FBXO4: variants seen among roughly 807,000 people sequenced by gnomAD.
The protein encoded by FBXO4 is F-box protein 4, also known as F-box only protein 4.
A neutral mutation model predicts 43.7 loss-of-function variants in FBXO4; 36 were observed. The observed-to-expected ratio is 0.82, with a 90% CI of 0.63 to 1.09. FBXO4 has a LOEUF of 1.09. Ranked by LOEUF, FBXO4 falls within the 50% of genes least tolerant of loss-of-function variation. The pLI, the probability that FBXO4 is intolerant of heterozygous loss-of-function variation, is 0.00. For missense variants in FBXO4, 435 were observed against 474.1 expected (o/e 0.92, Z 0.77); for synonymous variants, 180 against 165.6 (o/e 1.09, Z -0.67).
chr5:42,026,841 T>A, the FBXO4 span, among the ~76,000 whole-genome samples: 1 of 151,974 alleles, frequency 6.6e-6, no homozygotes, highest in African/African-American at 2.4e-5. Flanking sequence ...TGATATGATA[T>A]ATTACACTGA....
At chr5:41,999,188 T>C in the FBXO4 span, among the ~76,000 whole-genome samples, 2 of 151,656 alleles carry the variant, frequency 1.3e-5, no homozygotes, top group Non-Finnish European at 2.9e-5. Flanking sequence ...AAACAGTTAA[T>C]ACCAAGGACT....
At chr5:42,019,659 C>T in the FBXO4 span, among the ~76,000 whole-genome samples, 6 of 150,854 alleles carry the variant, frequency 4.0e-5, 1 homozygote, top group Non-Finnish European at 4.4e-5. Flanking sequence ...CACCATGGCA[C>T]TCCAGCCTGG....
intron 3 of FBXO4, among the ~76,000 whole-genome samples, chr5:41,931,863 G>C (rs887449330): frequency 2.6e-5 from 4 of 152,196 alleles, no homozygotes; most frequent in Non-Finnish European, 5.9e-5. Context: ...AGGAAAGAGT[G>C]CTACAGCTGA....
At chr5:41,947,284 T>G in the FBXO4 span, among the ~76,000 whole-genome samples, 20 of 152,200 alleles carry the variant, frequency 1.3e-4, no homozygotes, top group African/African-American at 3.9e-4. Flanking sequence ...ATCACCTACC[T>G]GTCAAAGATG....
chr5:41,939,485 G>C lies in FBXO4; in HGVS notation c.943G>C (p.Asp315His), dbSNP rs1180433908. The C allele has an allele frequency of 6.2e-7, 1 of 1,613,648 alleles. No homozygotes were observed. The highest frequency in any genetic ancestry group is 1.7e-5 in the Admixed American group (1 of 59,998). Residue 315 changes from aspartate to histidine, a missense_variant, in exon 6 of 7, where the codon GAT becomes CAT. Asp to His is a moderately conservative substitution (Grantham distance 81). Transcript: ENST00000281623. ...DEFSHIMAMT[D>H]PAFGSSGRPL... The stretch of plus-strand genomic sequence containing the variant: ...ATTTTCTCATATTATGGCAATGACA[G>C]ATCCAGCCTTTGGGTCTTCGGGAAG...
the FBXO4 span, chr5:41,963,872 G>T: frequency 6.6e-6 from 1 of 152,188 alleles, no homozygotes; most frequent in African/African-American, 2.4e-5. Context: ...TTTTTTTAAA[G>T]GCTAGTCAAC....
chr5:41,984,123 A>G, the FBXO4 span, among the ~76,000 whole-genome samples: 1 of 152,106 alleles, frequency 6.6e-6, no homozygotes, highest in Non-Finnish European at 1.5e-5. Context: ...AGATAATATG[A>G]GGTTACTATT....
chr5:42,010,613 C>T, the FBXO4 span, among the ~76,000 whole-genome samples: 1 of 152,062 alleles, frequency 6.6e-6, no homozygotes, highest in Non-Finnish European at 1.5e-5. Context: ...GACACTTGCA[C>T]TGCTTCTACC....
At chr5:42,006,053 C>G in the FBXO4 span, among the ~76,000 whole-genome samples, 2 of 151,952 alleles carry the variant, frequency 1.3e-5, no homozygotes, top group East Asian at 3.9e-4. Flanking sequence ...ATTTATGCAC[C>G]TCAAAAATAT....
chr5:41,999,509 A>ATATATATATATGTG, the FBXO4 span, among the ~76,000 whole-genome samples: 218 of 66,074 alleles, frequency 3.3e-3, 4 homozygotes, highest in African/African-American at 0.022. Flanking sequence ...ATATATGTGT[A>ATATATATATATGTG]TATATATATA....
At chr5:41,954,531 T>C in the FBXO4 span, among the ~76,000 whole-genome samples, 17 of 152,306 alleles carry the variant, frequency 1.1e-4, no homozygotes, top group African/African-American at 3.6e-4. Flanking sequence ...TAATGCATCA[T>C]CTACAGCTGG....
chr5:42,039,705 C>A, the FBXO4 span, among the ~76,000 whole-genome samples: 2 of 152,068 alleles, frequency 1.3e-5, no homozygotes, highest in African/African-American at 4.8e-5. Flanking sequence ...TGGGATAGTA[C>A]TTCCGTGATA....
the FBXO4 span, among the ~76,000 whole-genome samples, chr5:41,996,842 A>C: frequency 6.6e-6 from 1 of 152,178 alleles, no homozygotes; most frequent in Admixed American, 6.5e-5. Flanking sequence ...AAGGCCCCTG[A>C]ATTTTAGTCA....
At chr5:41,934,512 GC>G (rs1751797861) in intron 5 of FBXO4, 1 of 1,392,162 alleles carries the variant, frequency 7.2e-7, no homozygotes, top group Admixed American at 2.8e-5. Flanking sequence ...ATGTTAACAA[GC>G]TGATTCCTAC....
intron 5 of FBXO4, among the ~76,000 whole-genome samples, chr5:41,936,506 C>G (rs1275665869): frequency 6.6e-6 from 1 of 152,122 alleles, no homozygotes; most frequent in Non-Finnish European, 1.5e-5. Context: ...GTACTCCAGC[C>G]TGGGTGACAG....
chr5:41,962,223 T>C, the FBXO4 span, among the ~76,000 whole-genome samples: 1 of 152,248 alleles, frequency 6.6e-6, no homozygotes, highest in Non-Finnish European at 1.5e-5. Flanking sequence ...AATTTGAGAA[T>C]GGGATCTGTG....
At chr5:41,995,987 T>G in the FBXO4 span, among the ~76,000 whole-genome samples, 6 of 152,202 alleles carry the variant, frequency 3.9e-5, no homozygotes, top group South Asian at 1.2e-3. Flanking sequence ...CTGTTCACTT[T>G]TGGGTGGTGC....
chr5:42,035,176 C>T, the FBXO4 span, among the ~76,000 whole-genome samples: 1 of 151,966 alleles, frequency 6.6e-6, no homozygotes, highest in African/African-American at 2.4e-5. Flanking sequence ...ATTTTGTATC[C>T]TGAGACTTTG....
the FBXO4 span, among the ~76,000 whole-genome samples, chr5:42,016,723 T>A: frequency 6.6e-6 from 1 of 152,090 alleles, no homozygotes; most frequent in African/African-American, 2.4e-5. Flanking sequence ...TGTAGTGATC[T>A]GGTTGTAAAA....
Sources: allele counts gnomAD v4.1 joint callset (sites outside exome capture counted in the v4.1 genomes callset), GRCh38; gene constraint gnomAD v4.1.1; transcripts MANE v1.5; gene names NCBI Gene and HGNC (gene_info 2026-07-23, HGNC 2026-07-21).